The following ANKS1B variants were observed in gnomAD, a reference collection of about 807,000 sequenced individuals.
ANKS1B encodes the protein ankyrin repeat and sterile alpha motif domain-containing protein 1B.
In ANKS1B, 36 loss-of-function variants were observed where a neutral mutation model predicts 148.3. The ratio of observed to expected loss-of-function variants is 0.24; its 90% CI spans 0.19 to 0.32. ANKS1B has a LOEUF of 0.32. Among genes scored for constraint, ANKS1B ranks in the 10% least tolerant of loss-of-function variants. The probability of loss-of-function intolerance (pLI) is 1.00; values close to 1 mark genes in which losing one functional copy is unlikely to be tolerated. For synonymous variants in ANKS1B, 542 were observed against 560.8 expected, an observed-to-expected ratio of 0.97 and a Z score of 0.47; for missense variants, 1,157 against 1,542.6, an observed-to-expected ratio of 0.75 and a Z score of 4.19.
chr12:99,749,358 C>A (rs555704257), intron 8 of ANKS1B, among the ~76,000 whole-genome samples: 2 of 152,112 alleles, frequency 1.3e-5, no homozygotes, highest in South Asian at 4.2e-4. Context: ...TCCCTTGCCA[C>A]CATATGGGAA....
At chr12:99,781,901 C>T (rs952531875) in intron 5 of ANKS1B, 121 bp downstream of exon 5, 1 of 788,856 alleles carries the variant, frequency 1.3e-6, no homozygotes, top group African/African-American at 1.8e-5. Flanking sequence ...TACATATCTG[C>T]ATTTTAGAGT....
chr12:99,086,201 C>T (rs530610739), intron 15 of ANKS1B, among the ~76,000 whole-genome samples: 91 of 152,096 alleles, frequency 6.0e-4, no homozygotes, highest in African/African-American at 2.2e-3. Context: ...CTTAGGAGTC[C>T]AGAGGGAATC....
chr12:99,735,224 A>G (rs1156640817), intron 8 of ANKS1B, among the ~76,000 whole-genome samples: 2 of 152,226 alleles, frequency 1.3e-5, no homozygotes, highest in Non-Finnish European at 2.9e-5. Flanking sequence ...AAAAGCAAGA[A>G]TAAGCCAAAT....
chr12:99,870,870 T>C (rs1368194607), intron 1 of ANKS1B, among the ~76,000 whole-genome samples: 1 of 152,170 alleles, frequency 6.6e-6, no homozygotes, highest in Non-Finnish European at 1.5e-5. Context: ...ATTCCATAGG[T>C]TGTCTGTTTA....
At chr12:99,490,793 A>G (rs2096547252) in intron 10 of ANKS1B, among the ~76,000 whole-genome samples, 1 of 152,222 alleles carries the variant, frequency 6.6e-6, no homozygotes, top group Non-Finnish European at 1.5e-5. Flanking sequence ...CAGAACTAGT[A>G]GTCTTCATAT....
At chr12:99,598,152 T>C (rs1217206510) in intron 9 of ANKS1B, among the ~76,000 whole-genome samples, 4 of 152,018 alleles carry the variant, frequency 2.6e-5, no homozygotes, top group Middle Eastern at 3.2e-3. Flanking sequence ...AACATATAGA[T>C]AAAAATATGA....
chr12:98,780,723 TCTC>T (rs1214550075), intron 24 of ANKS1B, among the ~76,000 whole-genome samples: 1 of 152,188 alleles, frequency 6.6e-6, no homozygotes, highest in African/African-American at 2.4e-5. Flanking sequence ...TCTAGTAACA[TCTC>T]CTCTGATGGA....
At chr12:99,287,485 C>G (rs1232934167) in intron 12 of ANKS1B, among the ~76,000 whole-genome samples, 3 of 152,086 alleles carry the variant, frequency 2.0e-5, no homozygotes, top group Non-Finnish European at 4.4e-5. Context: ...ATACCTAACT[C>G]TTCAATGCAC....
At chr12:99,168,674 C>T (rs1248923086) in intron 14 of ANKS1B, among the ~76,000 whole-genome samples, 1 of 152,114 alleles carries the variant, frequency 6.6e-6, no homozygotes, top group Non-Finnish European at 1.5e-5. Context: ...AGGGAACAAG[C>T]CATTCCAGCA....
intron 10 of ANKS1B, among the ~76,000 whole-genome samples, chr12:99,472,715 T>C (rs1251870132): frequency 2.0e-5 from 3 of 152,058 alleles, no homozygotes; most frequent in Non-Finnish European, 4.4e-5. Flanking sequence ...AATAAATCAC[T>C]GAACAGTAGT....
chr12:99,839,672 C>T (rs2085395821), intron 1 of ANKS1B, among the ~76,000 whole-genome samples: 1 of 151,986 alleles, frequency 6.6e-6, no homozygotes, highest in Non-Finnish European at 1.5e-5. Flanking sequence ...CTCAATAAAT[C>T]CTCATAGCAA....
At position 98,745,411 on chromosome 12, in the gene ANKS1B, A is replaced by AT. The variant is rs2097859470; in HGVS notation, c.*327dup. The AT allele has an allele frequency of 2.2e-6, 2 of 928,414 alleles. No individual in the cohort carries two copies. The highest frequency in any genetic ancestry group is 2.5e-6 in the Non-Finnish European group (2 of 799,650). 57.5% of individuals were successfully genotyped at this position (928,414 alleles called of 1,614,324 possible). ...TTTTTTTTTTTTTTAAAGAAAAGGT[A>AT]TTATTTTCCCCAAATGAAGCAAAGC... On this transcript the variant is annotated 3_prime_UTR_variant, in exon 27 of 27. Coordinates refer to ENST00000683438, the MANE Select transcript of ANKS1B (RefSeq NM_001352186.2).
At chr12:99,672,216 G>A (rs1304366404) in intron 8 of ANKS1B, among the ~76,000 whole-genome samples, 2 of 152,034 alleles carry the variant, frequency 1.3e-5, no homozygotes, top group African/African-American at 4.8e-5. Context: ...AGATAATGAA[G>A]TAGGAGGTAC....
chr12:98,781,593 C>T (rs928753566), intron 23 of ANKS1B: 3 of 373,672 alleles, frequency 8.0e-6, no homozygotes, highest in Admixed American at 7.4e-5. Context: ...GACTTAACTC[C>T]AAGGGTGCAT....
intron 17 of ANKS1B, among the ~76,000 whole-genome samples, chr12:98,836,776 G>C (rs7303198): frequency 6.6e-6 from 1 of 151,976 alleles, no homozygotes; most frequent in Non-Finnish European, 1.5e-5. Context: ...GAACATAATG[G>C]GAGTAAAAGA....
intron 4 of ANKS1B, among the ~76,000 whole-genome samples, chr12:99,783,897 T>A (rs1602064896): frequency 6.6e-6 from 1 of 152,122 alleles, no homozygotes; most frequent in African/African-American, 2.4e-5. Flanking sequence ...CCAACACAAA[T>A]AAATGGCAAA....
intron 17 of ANKS1B, among the ~76,000 whole-genome samples, chr12:98,934,758 C>T (rs7138024): frequency 0.073 from 10,987 of 151,208 alleles, 416 homozygotes; most frequent in African/African-American, 0.092. Flanking sequence ...TTTCTTTTTT[C>T]AGATAGTTCA....
At chr12:99,037,242 C>A (rs1194864283) in intron 17 of ANKS1B, among the ~76,000 whole-genome samples, 1 of 152,136 alleles carries the variant, frequency 6.6e-6, no homozygotes, top group Non-Finnish European at 1.5e-5. Flanking sequence ...CATGGCCAGG[C>A]GCTGTGGCTC....
chr12:99,631,109 C>T (rs1395208792), intron 9 of ANKS1B, among the ~76,000 whole-genome samples: 1 of 152,132 alleles, frequency 6.6e-6, no homozygotes, highest in East Asian at 1.9e-4. Context: ...CCTCCCCAGC[C>T]ATGTGGAACT....
Sources: allele counts gnomAD v4.1 joint callset (sites outside exome capture counted in the v4.1 genomes callset), GRCh38; gene constraint gnomAD v4.1.1; transcripts MANE v1.5; gene names NCBI Gene and HGNC (gene_info 2026-07-23, HGNC 2026-07-21).